AGMO: variants seen among roughly 807,000 people sequenced by gnomAD.
The protein encoded by AGMO is glyceryl-ether monooxygenase.
AGMO carries 75 observed loss-of-function variants against 60.2 expected under a neutral mutation model. That is an observed-to-expected ratio of 1.25 (90% CI 1.03 to 1.51). AGMO has a LOEUF of 1.51. AGMO is among the 40% of genes most tolerant of loss of function. The probability of loss-of-function intolerance (pLI) is 0.00; values close to 1 mark genes in which losing one functional copy is unlikely to be tolerated. For synonymous variants in AGMO, 261 were observed against 177.1 expected, an observed-to-expected ratio of 1.47 and a Z score of -3.76; for missense variants, 763 against 525.5, an observed-to-expected ratio of 1.45 and a Z score of -4.42.
chr7:15,467,136 A>T (rs1428646689), intron 3 of AGMO, among the ~76,000 whole-genome samples: 1 of 152,192 alleles, frequency 6.6e-6, no homozygotes, highest in Non-Finnish European at 1.5e-5. Context: ...TATTCAGTGT[A>T]ATAGTCTCTG....
At chr7:15,551,431 C>T (rs1784957366) in intron 2 of AGMO, among the ~76,000 whole-genome samples, 1 of 148,972 alleles carries the variant, frequency 6.7e-6, no homozygotes, top group Admixed American at 6.7e-5. Context: ...ATTGTCTCAG[C>T]CCAAAATCTC....
chr7:15,356,720 T>C (rs1272157900), intron 12 of AGMO, among the ~76,000 whole-genome samples: 1 of 151,764 alleles, frequency 6.6e-6, no homozygotes, highest in East Asian at 1.9e-4. Flanking sequence ...TCTAATTTAA[T>C]ATCTCTCAAA....
At chr7:15,297,310 A>G (rs1367137666) in intron 12 of AGMO, among the ~76,000 whole-genome samples, 1 of 152,346 alleles carries the variant, frequency 6.6e-6, no homozygotes, top group Non-Finnish European at 1.5e-5. Context: ...TAATACTTCT[A>G]AAGGACAAGA....
At chr7:15,285,751 C>T (rs1329196842) in intron 12 of AGMO, among the ~76,000 whole-genome samples, 1 of 151,996 alleles carries the variant, frequency 6.6e-6, no homozygotes, top group Non-Finnish European at 1.5e-5. Flanking sequence ...CAAAAATAAC[C>T]TTAATAGCTA....
At chr7:15,542,213 C>T (rs1187169981) in intron 3 of AGMO, among the ~76,000 whole-genome samples, 1 of 151,934 alleles carries the variant, frequency 6.6e-6, no homozygotes, top group Non-Finnish European at 1.5e-5. Flanking sequence ...TTACTTTTTT[C>T]CTACTAGCTT....
At chr7:15,260,357 G>A (rs906126002) in intron 12 of AGMO, among the ~76,000 whole-genome samples, 1 of 152,032 alleles carries the variant, frequency 6.6e-6, no homozygotes, top group Non-Finnish European at 1.5e-5. Flanking sequence ...AAGAGAGCAG[G>A]AGTAGCTATT....
intron 12 of AGMO, among the ~76,000 whole-genome samples, chr7:15,270,013 G>A (rs1427047789): frequency 6.6e-6 from 1 of 152,098 alleles, no homozygotes; most frequent in African/African-American, 2.4e-5. Context: ...GTCAACCACT[G>A]ATGGGCATCT....
intron 2 of AGMO, among the ~76,000 whole-genome samples, chr7:15,548,370 G>C (rs371722721): frequency 0.036 from 5,415 of 151,746 alleles, 124 homozygotes; most frequent in Non-Finnish European, 0.049. Context: ...ATTACTCTGA[G>C]CTATGGGAGG....
At chr7:15,467,067 A>T (rs533650082) in intron 3 of AGMO, among the ~76,000 whole-genome samples, 1 of 152,212 alleles carries the variant, frequency 6.6e-6, no homozygotes, top group South Asian at 2.1e-4. Context: ...TGGATAATAT[A>T]GTTCTATAAT....
intron 12 of AGMO, among the ~76,000 whole-genome samples, chr7:15,203,143 C>T (rs1007169406): frequency 1.3e-5 from 2 of 152,130 alleles, no homozygotes; most frequent in African/African-American, 2.4e-5. Context: ...AGTGAAACCT[C>T]ATAAGTTGTA....
intron 2 of AGMO, among the ~76,000 whole-genome samples, chr7:15,553,588 A>G (rs1785039903): frequency 6.6e-6 from 1 of 152,034 alleles, no homozygotes; most frequent in African/African-American, 2.4e-5. Context: ...CCTCAGTTTA[A>G]TACCTTTTTT....
chr7:15,281,720 C>A (rs977877729), intron 12 of AGMO, among the ~76,000 whole-genome samples: 1 of 152,170 alleles, frequency 6.6e-6, no homozygotes, highest in Non-Finnish European at 1.5e-5. Flanking sequence ...CCACACCAGT[C>A]TCTACCCAGG....
At chr7:15,280,743 G>A (rs1783939842) in intron 12 of AGMO, among the ~76,000 whole-genome samples, 1 of 152,194 alleles carries the variant, frequency 6.6e-6, no homozygotes, top group Non-Finnish European at 1.5e-5. Flanking sequence ...AAACTTGTAT[G>A]TGACCTCAGC....
chr7:15,310,631 C>G (rs1448312696), intron 12 of AGMO, among the ~76,000 whole-genome samples: 2 of 151,976 alleles, frequency 1.3e-5, no homozygotes, highest in African/African-American at 4.8e-5. Context: ...TAACTACATT[C>G]TTTATAAAAT....
At chr7:15,195,734 A>T (rs558557017), downstream of AGMO, among the ~76,000 whole-genome samples, 5 of 152,292 alleles carry the variant, frequency 3.3e-5, no homozygotes, top group East Asian at 7.8e-4. Context: ...TTAGAAAAGA[A>T]AATGATTTAG....
At position 15,417,938 on chromosome 7, in the gene AGMO, T is replaced by A. The variant is rs1189899917; in HGVS notation, c.609+620A>T. Among the ~76,000 whole-genome samples, 8 of 152,214 alleles carry A rather than the reference T, an allele frequency of 5.3e-5. No homozygotes were observed. In the East Asian group the frequency reaches 1.4e-3, roughly 26 times the overall value. ...GATTTTTGGTATTTTAGCAATAGGA[T>A]TGGTACAAATATTCATAAACCAATC... On this transcript the variant is annotated intron_variant, in intron 5 of 12. Coordinates refer to ENST00000342526, the MANE Select transcript of AGMO (RefSeq NM_001004320.2).
At chr7:15,355,619 C>T (rs948242088) in intron 12 of AGMO, among the ~76,000 whole-genome samples, 1 of 150,876 alleles carries the variant, frequency 6.6e-6, no homozygotes, top group African/African-American at 2.4e-5. Flanking sequence ...AGGAGTTGTA[C>T]AAATGGAAAC....
chr7:15,346,062 TGTTA>T (rs1390478540), intron 12 of AGMO, among the ~76,000 whole-genome samples: 2 of 152,166 alleles, frequency 1.3e-5, no homozygotes, highest in Non-Finnish European at 2.9e-5. Flanking sequence ...TATATTCTGC[TGTTA>T]GTATCAAGAA....
intron 12 of AGMO, chr7:15,358,404 T>C (rs1562455499): frequency 4.2e-6 from 2 of 471,308 alleles, no homozygotes; most frequent in Non-Finnish European, 8.8e-6. Context: ...TAAGAAGGCA[T>C]AATAATTAGA....
Sources: gnomAD v4.1 joint callset for allele counts (sites outside exome capture counted in the v4.1 genomes callset) on GRCh38, gnomAD v4.1.1 for gene constraint, MANE v1.5 for transcripts, NCBI Gene and HGNC (gene_info 2026-07-23, HGNC 2026-07-21) for gene names.